The following TMPRSS11E variants were observed in gnomAD, a reference collection of about 807,000 sequenced individuals.
The protein encoded by TMPRSS11E is transmembrane protease serine 11E.
Under a neutral mutation model 48.1 loss-of-function variants are expected in TMPRSS11E, and 38 were observed. That is an observed-to-expected ratio of 0.79 (90% CI 0.61 to 1.04). The LOEUF is 1.04. Among genes scored for constraint, TMPRSS11E ranks in the 50% least tolerant of loss-of-function variants. The pLI is 0.00. For missense variants in TMPRSS11E, 530 were observed against 510.8 expected (o/e 1.04, Z -0.36); for synonymous variants, 158 against 171.9 (o/e 0.92, Z 0.63).
chr4:68,472,842 C>T (rs1009330492), intron 5 of TMPRSS11E, among the ~76,000 whole-genome samples: 10 of 151,960 alleles, frequency 6.6e-5, no homozygotes, highest in East Asian at 1.9e-4. Flanking sequence ...GTCTCGCTCT[C>T]GACTTTCCAT....
intron 9 of TMPRSS11E, among the ~76,000 whole-genome samples, chr4:68,479,653 A>G (rs1486032781): frequency 6.6e-6 from 1 of 150,584 alleles, no homozygotes; most frequent in African/African-American, 2.4e-5. Context: ...AAATATTAAT[A>G]AATATAAATA....
chr4:68,462,088 CTCT>C lies in TMPRSS11E; in HGVS notation c.136+145_136+147del, dbSNP rs1728806547. 4.7e-6 allele frequency: 5 copies of C among 1,068,612 alleles called. No individual in the cohort carries two copies. In the South Asian group the frequency reaches 4.8e-5, roughly 10 times the overall value. 66.2% of individuals were successfully genotyped at this position (1,068,612 alleles called of 1,614,324 possible). A position where few individuals can be genotyped will look rare whatever the true frequency, so the allele number is the denominator to read the frequency against. ...ACAAAGGGATCTTTACCTGCTTTCTCTCTTATTTAGTCCTCATAAGTCAAGGAG... is the reference window on the plus strand; with the variant it reads ...ACAAAGGGATCTTTACCTGCTTTCTCTATTTAGTCCTCATAAGTCAAGGAG... On this transcript the variant is annotated intron_variant, in intron 2 of 9. Transcript: ENST00000305363.
chr4:68,457,799 G>A (rs572577347), intron 1 of TMPRSS11E, among the ~76,000 whole-genome samples: 5 of 149,744 alleles, frequency 3.3e-5, no homozygotes, highest in South Asian at 2.1e-4. Context: ...GGATGAAGCC[G>A]GAAACCATCA....
At chr4:68,459,351 CTCTT>C in intron 1 of TMPRSS11E, among the ~76,000 whole-genome samples, 1 of 151,858 alleles carries the variant, frequency 6.6e-6, no homozygotes, top group East Asian at 1.9e-4. Flanking sequence ...GTCTCTCGCT[CTCTT>C]TTTTTTAATT....
At chr4:68,474,989 T>A (rs924065425) in intron 6 of TMPRSS11E, among the ~76,000 whole-genome samples, 1 of 152,120 alleles carries the variant, frequency 6.6e-6, no homozygotes, top group Non-Finnish European at 1.5e-5. Context: ...CTGTGGCAGA[T>A]GTGTAGTGGA....
chr4:68,455,981 T>C (rs532011000), intron 1 of TMPRSS11E, among the ~76,000 whole-genome samples: 1 of 152,086 alleles, frequency 6.6e-6, no homozygotes, highest in South Asian at 2.1e-4. Context: ...CACCTATCTG[T>C]ATGTAGTTGC....
At chr4:68,486,720 G>A (rs1729564422) in intron 9 of TMPRSS11E, among the ~76,000 whole-genome samples, 1 of 152,096 alleles carries the variant, frequency 6.6e-6, no homozygotes, top group Admixed American at 6.5e-5. Context: ...AACACCTTTA[G>A]AGGGGTGTTG....
intron 9 of TMPRSS11E, among the ~76,000 whole-genome samples, chr4:68,481,883 G>A (rs1046819623): frequency 5.3e-5 from 8 of 152,126 alleles, no homozygotes; most frequent in Admixed American, 3.3e-4. Flanking sequence ...CCAAGAGGTC[G>A]AGGCTGCACT....
rs756032751 is a variant in TMPRSS11E, at chr4:68,447,543, C to T, written c.11+20C>T. The T allele has an allele frequency of 6.2e-7, 1 of 1,605,414 alleles. No homozygotes were observed. The highest frequency in any genetic ancestry group is 1.3e-5 in the African/African-American group (1 of 74,324). On this transcript the variant is annotated intron_variant, in intron 1 of 9. Transcript: ENST00000305363. The stretch of plus-strand genomic sequence containing the variant: ...GTATCGGTGAGTTAGTTCCCTTTTT[C>T]TTTCTAGAAGTCTTAAGGTAACTTT...
At chr4:68,477,735 C>T (rs1243865280) in intron 8 of TMPRSS11E, 107 bp downstream of exon 8, 2 of 1,376,836 alleles carry the variant, frequency 1.5e-6, no homozygotes, top group East Asian at 4.6e-5. Flanking sequence ...GGTCATATGA[C>T]CTGGACCAAG....
At chr4:68,474,598 C>T (rs1729158513) in intron 5 of TMPRSS11E, 125 bp from the exon 6 acceptor site, 3 of 856,588 alleles carry the variant, frequency 3.5e-6, no homozygotes, top group East Asian at 2.5e-5. Context: ...AGCTATGTTG[C>T]CTTCTTTATA....
intron 9 of TMPRSS11E, among the ~76,000 whole-genome samples, chr4:68,488,006 A>T (rs1470601026): frequency 6.7e-6 from 1 of 148,982 alleles, no homozygotes; most frequent in African/African-American, 2.5e-5. Context: ...CTTTTGGCTT[A>T]TAAGGTTTCT....
chr4:68,474,359 T>C (rs1729153022), intron 5 of TMPRSS11E, among the ~76,000 whole-genome samples: 1 of 152,138 alleles, frequency 6.6e-6, no homozygotes, highest in Non-Finnish European at 1.5e-5. Context: ...ATTAATACTA[T>C]GGTTTAGAGT....
intron 9 of TMPRSS11E, among the ~76,000 whole-genome samples, chr4:68,480,579 C>T (rs1413461296): frequency 1.3e-5 from 2 of 151,870 alleles, no homozygotes. Flanking sequence ...TTTATGATGG[C>T]TGCTTTAAAA....
In TMPRSS11E at chr4:68,466,563, G is replaced by A. The variant is rs139012387; in HGVS notation, c.137-68G>A. 1,388 of 1,548,746 alleles carry A rather than the reference G, an allele frequency of 9.0e-4. 10 individuals are homozygous for A. In the African/African-American group the frequency reaches 0.015, roughly 17 times the overall value. ...TTCAGTCTTCCAGCAACCACCAAGC[G>A]GGGATATAATGATGCTTTACACACA... On this transcript the variant is annotated intron_variant, in intron 2 of 9. Transcript: ENST00000305363.
At chr4:68,467,793 C>G (rs144905036) in intron 3 of TMPRSS11E, among the ~76,000 whole-genome samples, 63 of 152,240 alleles carry the variant, frequency 4.1e-4, no homozygotes, top group African/African-American at 1.5e-3. Flanking sequence ...TGACCAGGCT[C>G]TTCTCTAAGG....
intron 9 of TMPRSS11E, among the ~76,000 whole-genome samples, chr4:68,479,595 C>T (rs1431873642): frequency 6.7e-6 from 1 of 149,572 alleles, no homozygotes; most frequent in Non-Finnish European, 1.5e-5. Flanking sequence ...CCCTTAAATC[C>T]CTTTGCTTTT....
intron 1 of TMPRSS11E, among the ~76,000 whole-genome samples, chr4:68,453,242 T>C (rs1200786669): frequency 6.6e-6 from 1 of 151,968 alleles, no homozygotes; most frequent in Non-Finnish European, 1.5e-5. Flanking sequence ...TGTGTTACTT[T>C]ATTTAATCTT....
chr4:68,462,856 G>A (rs189811653), intron 2 of TMPRSS11E, among the ~76,000 whole-genome samples: 52 of 152,310 alleles, frequency 3.4e-4, no homozygotes, highest in African/African-American at 1.2e-3. Context: ...TAGATGAACT[G>A]TTAGTTGCTA....
Sources: gnomAD v4.1 joint callset for allele counts (sites outside exome capture counted in the v4.1 genomes callset) on GRCh38, gnomAD v4.1.1 for gene constraint, MANE v1.5 for transcripts, NCBI Gene and HGNC (gene_info 2026-07-23, HGNC 2026-07-21) for gene names.